Variants in CA5B observed in about 807,000 individuals in gnomAD.
CA5B encodes carbonic anhydrase 5B, mitochondrial.
A neutral mutation model predicts 23.1 loss-of-function variants in CA5B; 15 were observed. The observed-to-expected ratio is 0.65, with a 90% CI of 0.43 to 1.00. CA5B has a LOEUF of 1.00. Among genes scored for constraint, CA5B ranks in the 50% least tolerant of loss-of-function variants. CA5B has a pLI of 0.00. For synonymous variants in CA5B, 84 were observed against 98.5 expected, an observed-to-expected ratio of 0.85 and a Z score of 0.87; for missense variants, 236 against 252.2, an observed-to-expected ratio of 0.94 and a Z score of 0.43.
chrX:15,747,250 TAAAG>T (rs1225225213), intron 1 of CA5B, among the ~76,000 whole-genome samples: 1 of 111,802 alleles, frequency 8.9e-6, no homozygotes, highest in Non-Finnish European at 1.9e-5. Flanking sequence ...AGCATTGTAG[TAAAG>T]AAAGAGTTTA....
chrX:15,774,273 G>A (rs1337872242), intron 4 of CA5B, 29 bp from the exon 5 acceptor site: 4 of 1,193,985 alleles, frequency 3.4e-6, no homozygotes, highest in Admixed American at 4.5e-5. Context: ...GTATAGTCAC[G>A]TGTTAACCCT....
At chrX:15,775,732 C>T (rs1035842716) in intron 6 of CA5B, 8 of 752,355 alleles carry the variant, frequency 1.1e-5, no homozygotes, top group African/African-American at 2.3e-5. Context: ...TTGTCCAGTC[C>T]CCCAATATTA....
intron 3 of CA5B, among the ~76,000 whole-genome samples, chrX:15,770,089 G>A (rs1354451191): frequency 9.0e-6 from 1 of 111,578 alleles, no homozygotes; most frequent in Non-Finnish European, 1.9e-5. Flanking sequence ...CGATGTGGGT[G>A]GATCACTTGA....
chrX:15,758,948 C>T (rs191310556), intron 2 of CA5B, among the ~76,000 whole-genome samples: 29 of 111,765 alleles, frequency 2.6e-4, no homozygotes, highest in Admixed American at 2.0e-3. Context: ...TAGACACATA[C>T]GCATATAATT....
intron 2 of CA5B, among the ~76,000 whole-genome samples, chrX:15,751,223 T>C (rs1418900661): frequency 8.9e-6 from 1 of 112,447 alleles, no homozygotes; most frequent in Non-Finnish European, 1.9e-5. Flanking sequence ...TCCCCTTTAG[T>C]GTTTATTTTC....
intron 7 of CA5B, among the ~76,000 whole-genome samples, chrX:15,777,180 G>A (rs1338717112): frequency 8.9e-6 from 1 of 111,760 alleles, no homozygotes; most frequent in Non-Finnish European, 1.9e-5. Flanking sequence ...CTTTTAAAGG[G>A]AAGAGTGAAG....
chrX:15,748,708 A>AC (rs565940460), intron 1 of CA5B, among the ~76,000 whole-genome samples: 2,037 of 58,042 alleles, frequency 0.035, 37 homozygotes, highest in East Asian at 0.14. Flanking sequence ...TATAGTGAGA[A>AC]CCCCCCCCCC....
At chrX:15,761,643 T>C (rs991845074) in intron 2 of CA5B, among the ~76,000 whole-genome samples, 4 of 112,029 alleles carry the variant, frequency 3.6e-5, no homozygotes, top group Admixed American at 9.5e-5. Context: ...TGAGTTTGCA[T>C]GCACCTTTTA....
chrX:15,776,496 CAG>C (rs1268506172), intron 6 of CA5B, among the ~76,000 whole-genome samples: 1 of 111,454 alleles, frequency 9.0e-6, no homozygotes, highest in Non-Finnish European at 1.9e-5. Flanking sequence ...CGTTTTCCCA[CAG>C]GGGAATATAA....
chrX:15,771,370 CAAAAAA>C lies in CA5B; in HGVS notation c.341-1118_341-1113del, dbSNP rs11290495. Among the ~76,000 whole-genome samples, 135 of 88,313 alleles carry C rather than the reference CAAAAAA, an allele frequency of 1.5e-3. 2 individuals are homozygous for C. Among genetic ancestry groups the C allele is most frequent in the African/African-American group, 4.7e-3 (113 of 24,174 alleles). 76.7% of individuals were successfully genotyped at this position (88,313 alleles called of 115,157 possible). On this transcript the variant is annotated intron_variant, in intron 3 of 7. Transcript: ENST00000318636. The stretch of plus-strand genomic sequence containing the variant: ...TGGGCGACAGACTAAGACCCTGTTT[CAAAAAA>C]AAAAAAACACTTGTCAATATTTTGC...
chrX:15,782,555 G>A lies in CA5B; in HGVS notation c.845G>A (p.Arg282His), dbSNP rs201165361. 8.3e-5 allele frequency: 100 copies of A among 1,206,913 alleles called. No homozygotes were observed. The highest frequency in any genetic ancestry group is 9.9e-5 in the Non-Finnish European group (88 of 892,692). Residue 282 changes from arginine to histidine, a missense_variant, in exon 8 of 8, where the codon CGC (arginine) becomes CAC (histidine). Coordinates refer to ENST00000318636, the MANE Select transcript of CA5B (RefSeq NM_007220.4). ...EKEKRMVDNFRPLQPLMNRTV... is the reference protein window; with the variant it reads ...EKEKRMVDNFHPLQPLMNRTV... Reference sequence around the variant, plus strand: ...GAGAAAAGAATGGTGGACAACTTCCGCCCCCTTCAGCCACTGATGAATCGC... The same window carrying A: ...GAGAAAAGAATGGTGGACAACTTCCACCCCCTTCAGCCACTGATGAATCGC...
chrX:15,756,727 A>G (rs1403787054), intron 2 of CA5B, among the ~76,000 whole-genome samples: 1 of 112,273 alleles, frequency 8.9e-6, no homozygotes, highest in East Asian at 2.8e-4. Flanking sequence ...CCTGGGCAAC[A>G]TAGTGAGACC....
At chrX:15,745,183 A>AAAAAAAAAAAAAAAAAAG in intron 1 of CA5B, among the ~76,000 whole-genome samples, 1 of 86,778 alleles carries the variant, frequency 1.2e-5, no homozygotes, top group Non-Finnish European at 2.3e-5. Flanking sequence ...AAAAAAAAAA[A>AAAAAAAAAAAAAAAAAAG]AAAAGAAAAG....
chrX:15,757,383 G>T (rs1011760681), intron 2 of CA5B, among the ~76,000 whole-genome samples: 6 of 111,665 alleles, frequency 5.4e-5, no homozygotes, highest in African/African-American at 2.0e-4. Context: ...GGGCATTATG[G>T]TGGGTGCCTG....
intron 7 of CA5B, among the ~76,000 whole-genome samples, chrX:15,780,926 T>A (rs1207695608): frequency 8.9e-6 from 1 of 111,969 alleles, no homozygotes; most frequent in Non-Finnish European, 1.9e-5. Flanking sequence ...GCAGATTGAA[T>A]GAGGGGAAAT....
At position 15,752,451 on chromosome X, in the gene CA5B, C is replaced by T. The variant is rs187870655; in HGVS notation, c.142+2286C>T. ...ATCTGTAAAGAATCTCTGGGCCAGGCGCGATGGCTTACGCCTGTAATCTCA... is the reference window on the plus strand; with the variant it reads ...ATCTGTAAAGAATCTCTGGGCCAGGTGCGATGGCTTACGCCTGTAATCTCA... On this transcript the variant is annotated intron_variant, in intron 2 of 7. Coordinates refer to ENST00000318636, the MANE Select transcript of CA5B (RefSeq NM_007220.4). Among the ~76,000 whole-genome samples, 690 of 112,166 alleles carry T rather than the reference C, an allele frequency of 6.2e-3. 8 individuals carry two copies. Among genetic ancestry groups the T allele is most frequent in the African/African-American group, 0.02 (614 of 30,925 alleles).
chrX:15,747,667 T>G (rs1296300517), intron 1 of CA5B, among the ~76,000 whole-genome samples: 1 of 111,806 alleles, frequency 8.9e-6, no homozygotes, highest in Non-Finnish European at 1.9e-5. Context: ...TTTTCTTTGT[T>G]AAGAAAAACA....
At chrX:15,755,558 T>C (rs1476625659) in intron 2 of CA5B, among the ~76,000 whole-genome samples, 1 of 112,225 alleles carries the variant, frequency 8.9e-6, no homozygotes, top group Non-Finnish European at 1.9e-5. Flanking sequence ...AGGGACCAGA[T>C]AAAAAGCACA....
In CA5B at chrX:15,776,791, G is replaced by T. The variant is rs756119720; in HGVS notation, c.696G>T (p.Gly232=). 3.3e-6 allele frequency: 4 copies of T among 1,205,772 alleles called. No homozygotes were observed. In the East Asian group the frequency reaches 1.2e-4, roughly 36 times the overall value. The change falls in exon 7 of 8, where the codon GGG becomes GGT. Residue 232 remains glycine, a synonymous_variant. Transcript: ENST00000318636. ...PTCPDYWTYS[G]SLTTPPLSES... ...GCCCAGATTACTGGACCTACTCAGG[G>T]TCTCTGACTACCCCACCCCTCTCCG... is the stretch of plus-strand genomic sequence containing the variant.
Sources: gnomAD v4.1 joint callset for allele counts (sites outside exome capture counted in the v4.1 genomes callset) on GRCh38, gnomAD v4.1.1 for gene constraint, MANE v1.5 for transcripts, NCBI Gene and HGNC (gene_info 2026-07-23, HGNC 2026-07-21) for gene names.